The following SYNDIG1L variants were observed in gnomAD, a reference collection of about 807,000 sequenced individuals.
SYNDIG1L encodes the protein synapse differentiation-inducing gene protein 1-like.
Under a neutral mutation model 20.1 loss-of-function variants are expected in SYNDIG1L, and 13 were observed. The observed-to-expected ratio is 0.65, with a 90% CI of 0.42 to 1.03. The LOEUF (loss-of-function observed/expected upper bound fraction) is 1.03. Ranked by LOEUF, SYNDIG1L falls within the 50% of genes least tolerant of loss-of-function variation. The pLI, the probability that SYNDIG1L is intolerant of heterozygous loss-of-function variation, is 0.00. For synonymous variants in SYNDIG1L, 128 were observed against 129.3 expected (o/e 0.99, Z 0.07); for missense variants, 294 against 305.1 (o/e 0.96, Z 0.27).
At chr14:74,418,094 C>A (rs942318274) in intron 1 of SYNDIG1L, among the ~76,000 whole-genome samples, 5 of 152,142 alleles carry the variant, frequency 3.3e-5, no homozygotes, top group Admixed American at 3.3e-4. Flanking sequence ...TTAGAACAGG[C>A]GCTAGACCGT....
In SYNDIG1L at chr14:74,406,148, G is replaced by A. The variant is rs1431630882; in HGVS notation, c.*1387C>T. 7 of 398,694 alleles carry A rather than the reference G, an allele frequency of 1.8e-5. No individual in the cohort carries two copies. Among genetic ancestry groups the A allele is most frequent in the African/African-American group, 6.2e-5 (3 of 48,580 alleles). The allele number at this position is 398,694 out of a possible 1,614,324, so 24.7% of individuals were successfully genotyped here. A position where few individuals can be genotyped will look rare whatever the true frequency, so the allele number is the denominator to read the frequency against. On this transcript the variant is annotated 3_prime_UTR_variant, in exon 4 of 4. Coordinates refer to ENST00000331628, the MANE Select transcript of SYNDIG1L (RefSeq NM_001105579.2). ...CCTGCCCACATTGGTGCTGCCCCCC[G>A]CCTACCTGGAGATGTCTCTAAAATT...
At chr14:74,426,666 TA>T (rs2086268944), upstream of SYNDIG1L, among the ~76,000 whole-genome samples, 1 of 152,108 alleles carries the variant, frequency 6.6e-6, no homozygotes, top group South Asian at 2.1e-4. Context: ...TTAATTTTCT[TA>T]ACAACTCTAT....
At chr14:74,418,251 C>G (rs764443754) in intron 1 of SYNDIG1L, among the ~76,000 whole-genome samples, 2 of 152,204 alleles carry the variant, frequency 1.3e-5, no homozygotes, top group African/African-American at 4.8e-5. Flanking sequence ...GAGTCATTAG[C>G]TGCAGCTTGC....
chr14:74,409,016 G>A (rs535756956), intron 2 of SYNDIG1L, among the ~76,000 whole-genome samples: 24 of 151,808 alleles, frequency 1.6e-4, no homozygotes, highest in Admixed American at 5.3e-4. Context: ...CTTAGATCTC[G>A]ATATCTGGTG....
the SYNDIG1L span, among the ~76,000 whole-genome samples, chr14:74,470,665 C>A: frequency 5.3e-5 from 8 of 152,192 alleles, no homozygotes; most frequent in Non-Finnish European, 1.0e-4. Context: ...AGTCTGAGAA[C>A]ACTGTCTCCT....
rs1403138110 is a variant in SYNDIG1L at position 74,407,897 on chromosome 14, G to C, written c.510C>G (p.Leu170=). The C allele has an allele frequency of 6.2e-7, 1 of 1,613,888 alleles. No individual in the cohort carries two copies. Among genetic ancestry groups the C allele is most frequent in the South Asian group, 1.1e-5 (1 of 91,048 alleles). ...DHLGLTLFSM[L]CCFWPLGIAA... ...CAATGCCCAGTGGCCAGAAGCAGCA[G>C]AGCATGGAGAAGAGAGTAAGTCCCA... Residue 170 remains leucine (L), a synonymous_variant, in exon 3 of 4, where the codon CTC becomes CTG. Coordinates refer to ENST00000331628, the MANE Select transcript of SYNDIG1L (RefSeq NM_001105579.2).
the SYNDIG1L span, among the ~76,000 whole-genome samples, chr14:74,458,259 GA>G: frequency 6.6e-6 from 1 of 152,234 alleles, no homozygotes; most frequent in East Asian, 1.9e-4. Flanking sequence ...TTTCAAATAT[GA>G]TTGCCCCTAA....
At chr14:74,455,906 G>A in the SYNDIG1L span, among the ~76,000 whole-genome samples, 1 of 152,230 alleles carries the variant, frequency 6.6e-6, no homozygotes, top group African/African-American at 2.4e-5. Flanking sequence ...TTTCTCTGGA[G>A]AGAGATGAGA....
At chr14:74,412,689 A>G (rs2086141204) in intron 1 of SYNDIG1L, among the ~76,000 whole-genome samples, 2 of 152,182 alleles carry the variant, frequency 1.3e-5, no homozygotes, top group Non-Finnish European at 2.9e-5. Flanking sequence ...AGAGCAAGGC[A>G]TCAGTTTTCC....
At chr14:74,423,049 G>GC (rs749753127) in intron 1 of SYNDIG1L, among the ~76,000 whole-genome samples, 9 of 151,750 alleles carry the variant, frequency 5.9e-5, no homozygotes, top group Non-Finnish European at 1.3e-4. Flanking sequence ...TTTCTCAGCA[G>GC]CCCCCCCGCC....
At chr14:74,429,514 A>G (rs1462244793), upstream of SYNDIG1L, among the ~76,000 whole-genome samples, 2 of 152,224 alleles carry the variant, frequency 1.3e-5, no homozygotes, top group Non-Finnish European at 2.9e-5. Context: ...CTGCCCCACT[A>G]CTACTTCAAT....
Position 74,407,408 on chromosome 14 carries a change from T to A in SYNDIG1L, c.*127A>T. The stretch of plus-strand genomic sequence containing the variant: ...CTCTGCAGGCTGTGGAATGGGGGTC[T>A]CCCCCTCAGCAAGCCACTCTCACGG... On this transcript the variant is annotated 3_prime_UTR_variant, in exon 4 of 4. Transcript: ENST00000331628. 1 of 1,313,280 alleles carries A rather than the reference T, an allele frequency of 7.6e-7. No individual in the cohort carries two copies. Among genetic ancestry groups the A allele is most frequent in the Non-Finnish European group, 1.0e-6 (1 of 954,176 alleles). The allele number at this position is 1,313,280 out of a possible 1,614,324, so 81.4% of individuals were successfully genotyped here.
Position 74,406,713 on chromosome 14 carries a change from G to C in SYNDIG1L, c.*822C>G, listed in dbSNP as rs2086083288. On this transcript the variant is annotated 3_prime_UTR_variant, in exon 4 of 4. Transcript: ENST00000331628. ...CTCTGGGTCTAGTCTACTTGTGATG[G>C]CACCAGCTCACGGACCCCCAGGCAA... The C allele has an allele frequency of 6.6e-6, 1 of 152,304 alleles. No individual in the cohort carries two copies. The highest frequency in any genetic ancestry group is 2.4e-5 in the African/African-American group (1 of 41,434). 9.4% of individuals were successfully genotyped at this position (152,304 alleles called of 1,614,324 possible).
intron 1 of SYNDIG1L, among the ~76,000 whole-genome samples, chr14:74,410,554 C>A (rs190636197): frequency 6.6e-6 from 1 of 152,040 alleles, no homozygotes; most frequent in African/African-American, 2.4e-5. Flanking sequence ...ACCGACTGAC[C>A]CCATTAGGGG....
chr14:74,436,429 G>A, the SYNDIG1L span, among the ~76,000 whole-genome samples: 1 of 151,942 alleles, frequency 6.6e-6, no homozygotes, highest in Non-Finnish European at 1.5e-5. Flanking sequence ...TGTAGGGACA[G>A]GGTCTCACTT....
chr14:74,471,991 G>T, the SYNDIG1L span: 1 of 152,146 alleles, frequency 6.6e-6, no homozygotes, highest in African/African-American at 2.4e-5. Context: ...GATATAAAAT[G>T]ATCCTCTTCT....
chr14:74,449,438 CAAAAA>C, the SYNDIG1L span, among the ~76,000 whole-genome samples: 18 of 34,014 alleles, frequency 5.3e-4, no homozygotes, highest in South Asian at 1.4e-3. Flanking sequence ...CCTGTCTTTA[CAAAAA>C]AAAAAAAAAA....
chr14:74,416,880 A>G (rs961284999), intron 1 of SYNDIG1L, among the ~76,000 whole-genome samples: 1 of 152,194 alleles, frequency 6.6e-6, no homozygotes, highest in Admixed American at 6.5e-5. Context: ...TGTCATCATC[A>G]TCTGCATTTT....
chr14:74,414,182 A>AC (rs2086156393), intron 1 of SYNDIG1L, among the ~76,000 whole-genome samples: 1 of 152,154 alleles, frequency 6.6e-6, no homozygotes, highest in Admixed American at 6.5e-5. Context: ...CTGTGTGGTT[A>AC]CCTGAGGACC....
Sources: gnomAD v4.1 joint callset for allele counts (sites outside exome capture counted in the v4.1 genomes callset) on GRCh38, gnomAD v4.1.1 for gene constraint, MANE v1.5 for transcripts, NCBI Gene and HGNC (gene_info 2026-07-23, HGNC 2026-07-21) for gene names.